SETBP1: variants seen among roughly 807,000 people sequenced by gnomAD.
The protein encoded by SETBP1 is SET binding protein 1, also known as SET-binding protein.
In SETBP1, 9 loss-of-function variants were observed where a neutral mutation model predicts 101.0. The observed-to-expected ratio is 0.09, with a 90% CI of 0.05 to 0.16. The LOEUF is 0.16. Among genes scored for constraint, SETBP1 ranks in the 10% least tolerant of loss-of-function variants. SETBP1 has a pLI of 1.00. For missense variants in SETBP1, 1,858 were observed against 2,033.8 expected, an observed-to-expected ratio of 0.91 and a Z score of 1.66; for synonymous variants, 818 against 788.5, an observed-to-expected ratio of 1.04 and a Z score of -0.63.
chr18:44,922,005 GC>G (rs2070592655), intron 3 of SETBP1, among the ~76,000 whole-genome samples: 3 of 152,324 alleles, frequency 2.0e-5, no homozygotes, highest in African/African-American at 7.2e-5. Context: ...AATTGGCCAA[GC>G]TTGAGGAATT....
chr18:44,937,412 G>A (rs1161730372), intron 3 of SETBP1, among the ~76,000 whole-genome samples: 2 of 133,068 alleles, frequency 1.5e-5, no homozygotes, highest in Middle Eastern at 5.3e-3. Flanking sequence ...CCGAGATCCC[G>A]CCACTGCACT....
intron 2 of SETBP1, among the ~76,000 whole-genome samples, chr18:44,793,301 A>C (rs2071404364): frequency 6.6e-6 from 1 of 152,184 alleles, no homozygotes; most frequent in Non-Finnish European, 1.5e-5. Flanking sequence ...GAGTTTGTTA[A>C]TAATAGAGAT....
chr18:44,763,444 C>T (rs1364646114), intron 2 of SETBP1, among the ~76,000 whole-genome samples: 2 of 152,152 alleles, frequency 1.3e-5, no homozygotes, highest in Non-Finnish European at 2.9e-5. Context: ...TGGTGAGAAA[C>T]AGAGAGGCAA....
intron 2 of SETBP1, among the ~76,000 whole-genome samples, chr18:44,857,574 G>A (rs905295304): frequency 4.6e-5 from 7 of 152,260 alleles, no homozygotes; most frequent in Admixed American, 4.6e-4. Context: ...TAAATAAAGG[G>A]TTTGGGCATG....
At chr18:44,946,910 G>T (rs1356002060) in intron 3 of SETBP1, among the ~76,000 whole-genome samples, 1 of 152,184 alleles carries the variant, frequency 6.6e-6, no homozygotes, top group African/African-American at 2.4e-5. Flanking sequence ...AAGAAATTAG[G>T]CTGAAGGCAG....
intron 4 of SETBP1, among the ~76,000 whole-genome samples, chr18:45,013,397 T>G (rs2072878066): frequency 6.6e-6 from 1 of 152,184 alleles, no homozygotes; most frequent in Non-Finnish European, 1.5e-5. Flanking sequence ...TAGGATTATA[T>G]CTGACTGTTT....
chr18:44,690,439 A>T (rs544086520), intron 1 of SETBP1, among the ~76,000 whole-genome samples: 313 of 152,376 alleles, frequency 2.1e-3, no homozygotes, highest in Non-Finnish European at 4.0e-3. Flanking sequence ...TTTGAATTAA[A>T]ACTGAACAGG....
At chr18:44,861,130 T>A (rs2068996451) in intron 2 of SETBP1, among the ~76,000 whole-genome samples, 1 of 151,834 alleles carries the variant, frequency 6.6e-6, no homozygotes, top group Non-Finnish European at 1.5e-5. Context: ...CCTCAGTGCC[T>A]CTCACTCACC....
chr18:44,750,735 AG>A (rs370737034), intron 2 of SETBP1, among the ~76,000 whole-genome samples: 191 of 152,302 alleles, frequency 1.3e-3, no homozygotes, highest in African/African-American at 4.4e-3. Flanking sequence ...TGCTTTGTAG[AG>A]AATATAAGGG....
chr18:45,006,143 A>G (rs545624497), intron 4 of SETBP1, among the ~76,000 whole-genome samples: 1 of 150,080 alleles, frequency 6.7e-6, no homozygotes, highest in Admixed American at 6.6e-5. Context: ...TAGTAGAGAC[A>G]GGGTTTCACC....
intron 3 of SETBP1, among the ~76,000 whole-genome samples, chr18:44,914,095 G>T (rs2070375135): frequency 6.6e-6 from 1 of 152,168 alleles, no homozygotes; most frequent in African/African-American, 2.4e-5. Context: ...AGCTGCAGAA[G>T]GCACTCCCAT....
chr18:44,839,534 A>G lies in SETBP1; in HGVS notation c.487-29696A>G, dbSNP rs151140818. ...CCATGGGACGTGCCCTCTGCTATGA[A>G]TCTTCCATTCTCTTGGCAGTCCAGT... On this transcript the variant is annotated intron_variant, in intron 2 of 5. Coordinates refer to ENST00000649279, the MANE Select transcript of SETBP1 (RefSeq NM_015559.3). Among the ~76,000 whole-genome samples, 576 of 152,312 alleles carry G rather than the reference A, an allele frequency of 3.8e-3. 1 individual carries two copies. Among genetic ancestry groups the G allele is most frequent in the Non-Finnish European group, 6.3e-3 (427 of 68,022 alleles).
chr18:44,901,551 G>C (rs1198750107), intron 3 of SETBP1, among the ~76,000 whole-genome samples: 1 of 152,154 alleles, frequency 6.6e-6, no homozygotes, highest in Non-Finnish European at 1.5e-5. Context: ...CTTTGGGTAT[G>C]ATGGGAGGTA....
At chr18:44,741,274 C>T (rs1012630023) in intron 2 of SETBP1, among the ~76,000 whole-genome samples, 10 of 152,202 alleles carry the variant, frequency 6.6e-5, no homozygotes, top group African/African-American at 2.4e-4. Flanking sequence ...CACTGTGCTC[C>T]TTGCCAAGTC....
rs541240536 is a variant in SETBP1, at chr18:44,905,005, G to T, written c.540+35722G>T. Among the ~76,000 whole-genome samples the T allele has an allele frequency of 1.2e-4, 18 of 152,214 alleles. No individual in the cohort carries two copies. In the South Asian group the frequency reaches 3.7e-3, roughly 32 times the overall value. Reference sequence around the variant, plus strand: ...GAAAGAAATGGATTTTTCATGAAGGGCTAGCAACCTCCGACAGGAAGTTTT... The same window carrying T: ...GAAAGAAATGGATTTTTCATGAAGGTCTAGCAACCTCCGACAGGAAGTTTT... On this transcript the variant is annotated intron_variant, in intron 3 of 5. Transcript: ENST00000649279.
chr18:44,847,874 T>C (rs2072755273), intron 2 of SETBP1, among the ~76,000 whole-genome samples: 1 of 152,114 alleles, frequency 6.6e-6, no homozygotes, highest in Non-Finnish European at 1.5e-5. Context: ...TTCTGAGCCA[T>C]GTCATGACCT....
At chr18:44,972,292 T>C (rs180922242) in intron 4 of SETBP1, among the ~76,000 whole-genome samples, 69 of 152,340 alleles carry the variant, frequency 4.5e-4, no homozygotes, top group African/African-American at 1.7e-3. Flanking sequence ...TGCAGTATAG[T>C]TTGAAGTCAG....
chr18:44,981,765 C>T (rs1168885073), intron 4 of SETBP1, among the ~76,000 whole-genome samples: 1 of 152,110 alleles, frequency 6.6e-6, no homozygotes, highest in Non-Finnish European at 1.5e-5. Context: ...CTTCTTTTTC[C>T]CCCGCTTTTT....
intron 3 of SETBP1, among the ~76,000 whole-genome samples, chr18:44,938,423 G>T (rs1328391443): frequency 1.3e-5 from 2 of 152,218 alleles, no homozygotes; most frequent in Non-Finnish European, 2.9e-5. Flanking sequence ...AAGTTTCAGG[G>T]TGATTAGAAT....
Sources: allele counts gnomAD v4.1 joint callset (sites outside exome capture counted in the v4.1 genomes callset), GRCh38; gene constraint gnomAD v4.1.1; transcripts MANE v1.5; gene names NCBI Gene and HGNC (gene_info 2026-07-23, HGNC 2026-07-21).